The following PLEKHG3 variants were observed in gnomAD, a reference collection of about 807,000 sequenced individuals.
PLEKHG3 encodes pleckstrin homology and RhoGEF domain containing G3, also known as pleckstrin homology domain-containing family G member 3.
A neutral mutation model predicts 94.9 loss-of-function variants in PLEKHG3; 62 were observed. The observed-to-expected ratio is 0.65, with a 90% CI of 0.53 to 0.81. The LOEUF (loss-of-function observed/expected upper bound fraction) is 0.81, where lower values mean the gene tolerates loss of function less well. Ranked by LOEUF, PLEKHG3 falls within the 30% of genes least tolerant of loss-of-function variation. The pLI is 0.00. For missense variants in PLEKHG3, 1,461 were observed against 1,619.3 expected, an observed-to-expected ratio of 0.90 and a Z score of 1.68; for synonymous variants, 614 against 654.0, an observed-to-expected ratio of 0.94 and a Z score of 0.93.
intron 1 of PLEKHG3, among the ~76,000 whole-genome samples, chr14:64,707,610 G>T (rs1465913330): frequency 6.6e-6 from 1 of 152,260 alleles, no homozygotes; most frequent in Non-Finnish European, 1.5e-5. Flanking sequence ...GGTGTGAATT[G>T]TCATGGAAGG....
rs527959944 is a variant in PLEKHG3 at position 64,721,867 on chromosome 14, G to T, written c.-39-5726G>T. ...GGCCTCTGGGGACAGTTTGGGAGCCGGGTGGCCCAGAGTGGTGCCGAGCTG... is the reference window on the plus strand; with the variant it reads ...GGCCTCTGGGGACAGTTTGGGAGCCTGGTGGCCCAGAGTGGTGCCGAGCTG... On this transcript the variant is annotated intron_variant, in intron 1 of 16. Transcript: ENST00000247226. This position sits in a 1 kb window ranked among gnomAD's most constrained non-coding sequence, Gnocchi z 4.3. Among the ~76,000 whole-genome samples the T allele has an allele frequency of 1.3e-5, 2 of 152,178 alleles. No individual in the cohort carries two copies. The highest frequency in any genetic ancestry group is 4.8e-5 in the African/African-American group (2 of 41,450).
chr14:64,730,966 C>T lies in PLEKHG3; in HGVS notation c.717+17C>T, dbSNP rs1272174530. On this transcript the variant is annotated intron_variant, in intron 6 of 16. Coordinates refer to ENST00000247226, the MANE Select transcript of PLEKHG3 (RefSeq NM_001308147.2). This position sits in a 1 kb window ranked among gnomAD's most constrained non-coding sequence, Gnocchi z 5.4. ...CTGCTCCAGGTAGCCCCTCGGTCCT[C>T]CCAAGCACCTAGGGCCTGGGGAGGG... is the stretch of plus-strand genomic sequence containing the variant. The T allele has an allele frequency of 9.3e-6, 15 of 1,613,418 alleles. No individual in the cohort carries two copies. Among genetic ancestry groups the T allele is most frequent in the Middle Eastern group, 1.7e-4 (1 of 6,058 alleles).
rs2081872902 is a variant in PLEKHG3 at position 64,747,849 on chromosome 14, C to CTAGT, written c.*4148_*4151dup. Reference sequence around the variant, plus strand: ...CTTGACTGCTCTCTTGGACCTAACCCTAGTTTGATACTGGGCCAGAACTGT... The same window carrying CTAGT: ...CTTGACTGCTCTCTTGGACCTAACCCTAGTTAGTTTGATACTGGGCCAGAACTGT... On this transcript the variant is annotated 3_prime_UTR_variant, in exon 17 of 17. Coordinates refer to ENST00000247226, the MANE Select transcript of PLEKHG3 (RefSeq NM_001308147.2). 6.9e-6 allele frequency: 1 copy of CTAGT among 145,942 alleles called. No individual in the cohort carries two copies. The highest frequency in any genetic ancestry group is 6.9e-5 in the Admixed American group (1 of 14,590). The allele number at this position is 145,942 out of a possible 1,614,324, so 9.0% of individuals were successfully genotyped here. A position where few individuals can be genotyped will look rare whatever the true frequency, so the allele number is the denominator to read the frequency against.
Position 64,722,184 on chromosome 14 carries a change from G to A in PLEKHG3, c.-39-5409G>A, listed in dbSNP as rs1387219685. On this transcript the variant is annotated intron_variant, in intron 1 of 16. Coordinates refer to ENST00000247226, the MANE Select transcript of PLEKHG3 (RefSeq NM_001308147.2). This position sits in a 1 kb window ranked among gnomAD's most constrained non-coding sequence, Gnocchi z 4.3. ...GGCCACACAGGAGGGCTGCGCCATC[G>A]CCGTTCCTGAGTGAGGACTTTCTTT... 6.6e-6 allele frequency among the ~76,000 whole-genome samples: 1 copy of A among 152,084 alleles called. No homozygotes were observed. Among genetic ancestry groups the A allele is most frequent in the African/African-American group, 2.4e-5 (1 of 41,422 alleles).
chr14:64,730,325 G>A lies in PLEKHG3; in HGVS notation c.519+13G>A. ...CTTTGTGGAAAGGGTAAGAAGGGCT[G>A]GGTCCTTGCCTCTGTCCTACCTTGC... On this transcript the variant is annotated intron_variant, in intron 4 of 16. Transcript: ENST00000247226. The surrounding 1 kb of genome is among the most constrained non-coding windows in gnomAD (Gnocchi z 5.4). 1 of 1,510,136 alleles carries A rather than the reference G, an allele frequency of 6.6e-7. No individual in the cohort carries two copies. The highest frequency in any genetic ancestry group is 8.9e-7 in the Non-Finnish European group (1 of 1,123,288). 93.5% of individuals were successfully genotyped at this position (1,510,136 alleles called of 1,614,324 possible).
chr14:64,728,784 T>G lies in PLEKHG3; in HGVS notation c.352-212T>G, dbSNP rs950268810. 2.0e-5 allele frequency among the ~76,000 whole-genome samples: 3 copies of G among 152,186 alleles called. No homozygotes were observed. Among genetic ancestry groups the G allele is most frequent in the African/African-American group, 7.2e-5 (3 of 41,440 alleles). ...AATCCTATCTGAAGTCATCTTGAGA[T>G]CCTTAACTAATGGCATCCACAAAGA... On this transcript the variant is annotated intron_variant, in intron 2 of 16. Transcript: ENST00000247226. This position sits in a 1 kb window ranked among gnomAD's most constrained non-coding sequence, Gnocchi z 5.9.
rs58480790 is a variant in PLEKHG3 at position 64,716,496 on chromosome 14, AACACACACACACACACACACACACAC to A, written c.-39-11067_-39-11042del. Among the ~76,000 whole-genome samples the A allele has an allele frequency of 7.5e-5, 6 of 79,498 alleles. No homozygotes were observed. The highest frequency in any genetic ancestry group is 3.1e-4 in the African/African-American group (6 of 19,596). The allele number at this position is 79,498 out of a possible 152,430, so 52.2% of individuals were successfully genotyped here. ...ACACACACACAACACACACACACAC[AACACACACACACACACACACACACAC>A]ACACACACACACACACACACACACA... On this transcript the variant is annotated intron_variant, in intron 1 of 16. Transcript: ENST00000247226. The surrounding 1 kb of genome is among the most constrained non-coding windows in gnomAD (Gnocchi z 5.0).
Position 64,730,188 on chromosome 14 carries a change from AG to A in PLEKHG3, c.450-51del, listed in dbSNP as rs2081432168. On this transcript the variant is annotated intron_variant, in intron 3 of 16. Coordinates refer to ENST00000247226, the MANE Select transcript of PLEKHG3 (RefSeq NM_001308147.2). The surrounding 1 kb of genome is among the most constrained non-coding windows in gnomAD (Gnocchi z 5.4). ...TTGGGAGGTTGGGGAGGGGGCAGTG[AG>A]GGGCATTGTCCTCTGACTGCAGAGG... 1 of 948,204 alleles carries A rather than the reference AG, an allele frequency of 1.1e-6. No homozygotes were observed. Among genetic ancestry groups the A allele is most frequent in the Non-Finnish European group, 1.6e-6 (1 of 610,998 alleles). 58.7% of individuals were successfully genotyped at this position (948,204 alleles called of 1,614,324 possible).
At chr14:64,706,647 T>C (rs1431695784) in intron 1 of PLEKHG3, among the ~76,000 whole-genome samples, 1 of 152,188 alleles carries the variant, frequency 6.6e-6, no homozygotes, top group Non-Finnish European at 1.5e-5. Flanking sequence ...CCAGGAGCCA[T>C]TGTTGGATGT....
intron 3 of PLEKHG3, among the ~76,000 whole-genome samples, chr14:64,729,776 G>T (rs1271323732): frequency 1.3e-5 from 2 of 152,180 alleles, no homozygotes; most frequent in African/African-American, 4.8e-5. Context: ...ATGGTGAGGG[G>T]TTGGGAAAAG....
At position 64,717,136 on chromosome 14, in the gene PLEKHG3, T is replaced by TGTGA. The variant is rs1178473725; in HGVS notation, c.-39-10454_-39-10453insAGTG. On this transcript the variant is annotated intron_variant, in intron 1 of 16. Coordinates refer to ENST00000247226, the MANE Select transcript of PLEKHG3 (RefSeq NM_001308147.2). This position sits in a 1 kb window ranked among gnomAD's most constrained non-coding sequence, Gnocchi z 4.7. ...ACGTGTGTGTGTGTGTGTGTGTGTG[T>TGTGA]GTGTGTGTGTGTGAGTCCATAAGGT... Among the ~76,000 whole-genome samples, 1 of 151,878 alleles carries TGTGA rather than the reference T, an allele frequency of 6.6e-6. No individual in the cohort carries two copies. Among genetic ancestry groups the TGTGA allele is most frequent in the Admixed American group, 6.6e-5 (1 of 15,258 alleles).
intron 1 of PLEKHG3, among the ~76,000 whole-genome samples, chr14:64,724,100 G>C (rs912724905): frequency 2.0e-5 from 3 of 151,900 alleles, no homozygotes; most frequent in Non-Finnish European, 4.4e-5. Context: ...TCTTCAGGTA[G>C]GAAGGAAAGG....
At position 64,750,043 on chromosome 14, in the gene PLEKHG3, C is replaced by G; in HGVS notation, c.*6340C>G. ...CAGCAATCTCACAGATGGCATGTCT[C>G]AGGGCCAGGGGTTCCTCCCCATGGT... On this transcript the variant is annotated 3_prime_UTR_variant, in exon 17 of 17. Coordinates refer to ENST00000247226, the MANE Select transcript of PLEKHG3 (RefSeq NM_001308147.2). 1 of 1,614,216 alleles carries G rather than the reference C, an allele frequency of 6.2e-7. No individual in the cohort carries two copies. Among genetic ancestry groups the G allele is most frequent in the Non-Finnish European group, 8.5e-7 (1 of 1,180,032 alleles).
In PLEKHG3 at chr14:64,727,078, G is replaced by A. The variant is rs1158324570; in HGVS notation, c.-39-515G>A. ...CCCTATGCCAGGCATCATGCTCAGA[G>A]CTTTACGAACAGCAGGTGGCTTCAT... On this transcript the variant is annotated intron_variant, in intron 1 of 16. Coordinates refer to ENST00000247226, the MANE Select transcript of PLEKHG3 (RefSeq NM_001308147.2). This position sits in a 1 kb window ranked among gnomAD's most constrained non-coding sequence, Gnocchi z 6.0. Among the ~76,000 whole-genome samples, 1 of 152,152 alleles carries A rather than the reference G, an allele frequency of 6.6e-6. No homozygotes were observed. Among genetic ancestry groups the A allele is most frequent in the Non-Finnish European group, 1.5e-5 (1 of 68,028 alleles).
Position 64,745,815 on chromosome 14 carries a change from G to A in PLEKHG3, c.*2112G>A, listed in dbSNP as rs1594723915. On this transcript the variant is annotated 3_prime_UTR_variant, in exon 17 of 17. Transcript: ENST00000247226. This position sits in a 1 kb window ranked among gnomAD's most constrained non-coding sequence, Gnocchi z 5.0. ...CCCCTTCCCCAGGCAGTCCTTACACGGCCATCTAGGTATGCCTGGGAACCT... is the reference window on the plus strand; with the variant it reads ...CCCCTTCCCCAGGCAGTCCTTACACAGCCATCTAGGTATGCCTGGGAACCT... 1 of 152,176 alleles carries A rather than the reference G, an allele frequency of 6.6e-6. No individual in the cohort carries two copies. The highest frequency in any genetic ancestry group is 1.5e-5 in the Non-Finnish European group (1 of 68,038). The allele number at this position is 152,176 out of a possible 1,614,324, so 9.4% of individuals were successfully genotyped here. A position where few individuals can be genotyped will look rare whatever the true frequency, so the allele number is the denominator to read the frequency against.
In PLEKHG3 at chr14:64,717,112, C is replaced by CGTGTGTGTGT. The variant is rs3063751; in HGVS notation, c.-39-10453_-39-10444dup. 6.4e-3 allele frequency among the ~76,000 whole-genome samples: 923 copies of CGTGTGTGTGT among 144,352 alleles called. 7 individuals are homozygous for CGTGTGTGTGT. The highest frequency in any genetic ancestry group is 0.015 in the South Asian group (66 of 4,346). 94.7% of individuals were successfully genotyped at this position (144,352 alleles called of 152,430 possible). On this transcript the variant is annotated intron_variant, in intron 1 of 16. Coordinates refer to ENST00000247226, the MANE Select transcript of PLEKHG3 (RefSeq NM_001308147.2). The surrounding 1 kb of genome is among the most constrained non-coding windows in gnomAD (Gnocchi z 4.7). ...GGCTGGCCGCCTTTGGGAATTTACA[C>CGTGTGTGTGT]GTGTGTGTGTGTGTGTGTGTGTGTG...
At chr14:64,707,972 G>A (rs1410619770) in intron 1 of PLEKHG3, among the ~76,000 whole-genome samples, 1 of 152,232 alleles carries the variant, frequency 6.6e-6, no homozygotes, top group African/African-American at 2.4e-5. Context: ...AGAGAGGTTC[G>A]ATAAACTATT....
Position 64,749,585 on chromosome 14 carries a change from G to C in PLEKHG3, c.*5882G>C, listed in dbSNP as rs2081910786. ...CTGCCCCTTCTGAGGGGGCCTCCAG[G>C]GCAAGCGGCCTGGGGTCCTCCACCT... On this transcript the variant is annotated 3_prime_UTR_variant, in exon 17 of 17. Transcript: ENST00000247226. This position sits in a 1 kb window ranked among gnomAD's most constrained non-coding sequence, Gnocchi z 4.7. 2 of 1,609,050 alleles carry C rather than the reference G, an allele frequency of 1.2e-6. No homozygotes were observed. The highest frequency in any genetic ancestry group is 2.2e-5 in the South Asian group (2 of 90,984).
chr14:64,732,262 CCTT>C lies in PLEKHG3; in HGVS notation c.1212+84_1212+86del. ...CTCTGCAAGGTCCATTGGGGGCTCA[CCTT>C]CTGGATTTGGGCTCCAGTGGACAGT... On this transcript the variant is annotated intron_variant, in intron 10 of 16. Transcript: ENST00000247226. This position sits in a 1 kb window ranked among gnomAD's most constrained non-coding sequence, Gnocchi z 4.9. 7.3e-7 allele frequency: 1 copy of C among 1,377,996 alleles called. No individual in the cohort carries two copies. The highest frequency in any genetic ancestry group is 1.0e-6 in the Non-Finnish European group (1 of 966,330). The allele number at this position is 1,377,996 out of a possible 1,614,324, so 85.4% of individuals were successfully genotyped here.
Sources: allele counts gnomAD v4.1 joint callset (sites outside exome capture counted in the v4.1 genomes callset), GRCh38; gene constraint gnomAD v4.1.1; non-coding constraint Gnocchi (gnomAD v3.1); transcripts MANE v1.5; gene names NCBI Gene and HGNC (gene_info 2026-07-23, HGNC 2026-07-21).